KIAA0586: variants seen among roughly 807,000 people sequenced by gnomAD.
The protein encoded by KIAA0586 is protein TALPID3.
KIAA0586 carries 144 observed loss-of-function variants against 169.8 expected under a neutral mutation model. The observed-to-expected ratio is 0.85, with a 90% CI of 0.74 to 0.97. The LOEUF (loss-of-function observed/expected upper bound fraction) is 0.97, where lower values mean the gene tolerates loss of function less well. Ranked by LOEUF, KIAA0586 falls within the 50% of genes least tolerant of loss-of-function variation. The probability of loss-of-function intolerance (pLI) is 0.00; values close to 1 mark genes in which losing one functional copy is unlikely to be tolerated. For missense variants in KIAA0586, 1,854 were observed against 1,823.0 expected (o/e 1.02, Z -0.31); for synonymous variants, 625 against 612.4 (o/e 1.02, Z -0.30).
rs760261535 is a variant in KIAA0586, at chr14:58,547,992, G to C, written c.*60G>C. ...CTGGTTTTAAAGTCATTTTACCTTG[G>C]CTTAAAACCCTCTCTCAGACTGTTT... On this transcript the variant is annotated 3_prime_UTR_variant, in exon 31 of 31. Coordinates refer to ENST00000652326, the MANE Select transcript of KIAA0586 (RefSeq NM_001329943.3). 3 of 1,582,888 alleles carry C rather than the reference G, an allele frequency of 1.9e-6. No individual in the cohort carries two copies. The highest frequency in any genetic ancestry group is 1.7e-6 in the Non-Finnish European group (2 of 1,159,266).
intron 27 of KIAA0586, among the ~76,000 whole-genome samples, chr14:58,504,378 A>G (rs1012307573): frequency 1.3e-5 from 2 of 152,208 alleles, no homozygotes; most frequent in Non-Finnish European, 2.9e-5. Flanking sequence ...ATAGATGGTC[A>G]TCTCAGTCAC....
At chr14:58,486,363 C>T (rs928270145) in intron 21 of KIAA0586, among the ~76,000 whole-genome samples, 1 of 152,174 alleles carries the variant, frequency 6.6e-6, no homozygotes, top group Non-Finnish European at 1.5e-5. Context: ...TTGATGGGCA[C>T]CTAGGTTGAC....
At position 58,440,855 on chromosome 14, in the gene KIAA0586, A is replaced by G. The variant is rs191696529; in HGVS notation, c.411-1851A>G. 555 of 152,628 alleles carry G rather than the reference A, an allele frequency of 3.6e-3. 6 individuals are homozygous for G. Among genetic ancestry groups the G allele is most frequent in the African/African-American group, 0.012 (497 of 41,514 alleles). 9.5% of individuals were successfully genotyped at this position (152,628 alleles called of 1,614,324 possible). ...TGCCAGGGGCTGGGGGTGGGGAGAA[A>G]GTGGGGGATAGAGGTCAAAAGGTAT... On this transcript the variant is annotated intron_variant, in intron 4 of 30. Coordinates refer to ENST00000652326, the MANE Select transcript of KIAA0586 (RefSeq NM_001329943.3).
chr14:58,507,958 G>A (rs1462249416), intron 27 of KIAA0586, among the ~76,000 whole-genome samples: 1 of 151,946 alleles, frequency 6.6e-6, no homozygotes, highest in African/African-American at 2.4e-5. Flanking sequence ...GCTAATTTTT[G>A]TATTTTTAGT....
chr14:58,556,110 A>G (rs1350314665), downstream of KIAA0586, among the ~76,000 whole-genome samples: 1 of 152,192 alleles, frequency 6.6e-6, no homozygotes, highest in Non-Finnish European at 1.5e-5. Context: ...AAAAATATCC[A>G]CTTTGTTTCT....
chr14:58,465,510 C>T (rs560000439), intron 14 of KIAA0586, among the ~76,000 whole-genome samples: 8 of 152,292 alleles, frequency 5.3e-5, no homozygotes, highest in African/African-American at 1.9e-4. Context: ...CAACTGTGGC[C>T]TACACGTGAG....
Position 58,429,264 on chromosome 14 carries a change from G to A in KIAA0586, c.200-99G>A, listed in dbSNP as rs141809745. 7.4e-4 allele frequency: 498 copies of A among 670,538 alleles called. 2 individuals carry two copies. Among genetic ancestry groups the A allele is most frequent in the African/African-American group, 4.8e-3 (269 of 55,688 alleles). 41.5% of individuals were successfully genotyped at this position (670,538 alleles called of 1,614,324 possible). A position where few individuals can be genotyped will look rare whatever the true frequency, so the allele number is the denominator to read the frequency against. On this transcript the variant is annotated intron_variant, in intron 1 of 30. Transcript: ENST00000652326. ...TGCAAATTGTCTTTCCAACTTCTGC[G>A]TTATATGGAGTTTATAGATCTTGAA...
intron 29 of KIAA0586, among the ~76,000 whole-genome samples, chr14:58,533,945 T>C (rs2046135434): frequency 6.6e-6 from 1 of 152,224 alleles, no homozygotes; most frequent in Non-Finnish European, 1.5e-5. Flanking sequence ...TTTTTCATTC[T>C]TTCACTCTTT....
chr14:58,429,406 A>G lies in KIAA0586; in HGVS notation c.243A>G (p.Leu81=). 6.3e-7 allele frequency: 1 copy of G among 1,598,578 alleles called. No individual in the cohort carries two copies. Among genetic ancestry groups the G allele is most frequent in the Non-Finnish European group, 8.6e-7 (1 of 1,166,108 alleles). ...LTSARNCYQP[L]LENPMVSESD... ...CTGCTAGAAATTGTTACCAGCCTCT[A>G]TTAGAAAATCCCATGGTGTCAGAAA... The change falls in exon 2 of 31, where the codon CTA becomes CTG. Residue 81 remains leucine (L), a synonymous_variant. Coordinates refer to ENST00000652326, the MANE Select transcript of KIAA0586 (RefSeq NM_001329943.3).
At position 58,488,819 on chromosome 14, in the gene KIAA0586, ACCCAT is replaced by A. The variant is rs759834865; in HGVS notation, c.3728_3732del (p.Pro1243LeufsTer2). The A allele has an allele frequency of 6.8e-6, 11 of 1,613,730 alleles. No homozygotes were observed. The highest frequency in any genetic ancestry group is 8.5e-6 in the Non-Finnish European group (10 of 1,179,810). On this transcript the variant is annotated frameshift_variant, in exon 24 of 31. Coordinates refer to ENST00000652326, the MANE Select transcript of KIAA0586 (RefSeq NM_001329943.3). LOFTEE classifies it high-confidence loss of function. Reference sequence around the variant, plus strand: ...TCACTGAAACTGAAACTTTAGATAAACCCATCTCTGAAGGAGAGATTTTATTTAGC... The same window carrying A: ...TCACTGAAACTGAAACTTTAGATAAACTCTGAAGGAGAGATTTTATTTAGC...
chr14:58,491,973 A>G (rs911904032), intron 25 of KIAA0586, among the ~76,000 whole-genome samples, 171 bp from the exon 26 acceptor site: 10 of 152,216 alleles, frequency 6.6e-5, no homozygotes, highest in African/African-American at 2.4e-4. Context: ...GAGGGCTTTT[A>G]TTATAGACAA....
chr14:58,556,726 A>G, the KIAA0586 span, among the ~76,000 whole-genome samples: 5 of 152,118 alleles, frequency 3.3e-5, no homozygotes, highest in South Asian at 1.0e-3. Flanking sequence ...ATTCATATAT[A>G]TTTTTGTAGT....
rs377405313 is a variant in KIAA0586 at position 58,461,770 on chromosome 14, A to G, written c.2059+610A>G. 8.5e-5 allele frequency among the ~76,000 whole-genome samples: 13 copies of G among 152,320 alleles called. No homozygotes were observed. In the East Asian group the frequency reaches 2.5e-3, roughly 29 times the overall value. ...TTTGCTGTTTATTATAAAAGTGTTG[A>G]TGAGCACTTTTGCAGTTTGGTTTTC... On this transcript the variant is annotated intron_variant, in intron 14 of 30. Coordinates refer to ENST00000652326, the MANE Select transcript of KIAA0586 (RefSeq NM_001329943.3).
chr14:58,521,526 T>G, intron 29 of KIAA0586: 1 of 785,202 alleles, frequency 1.3e-6, no homozygotes, highest in Non-Finnish European at 2.3e-6. Context: ...CTCCTCCTAT[T>G]GCTCGGGCTG....
At chr14:58,497,198 C>T (rs1216066117) in intron 26 of KIAA0586, among the ~76,000 whole-genome samples, 3 of 151,918 alleles carry the variant, frequency 2.0e-5, no homozygotes, top group Non-Finnish European at 4.4e-5. Flanking sequence ...GTCTGGAACT[C>T]CTGACTTCAG....
rs2140368852 is a variant in KIAA0586 at position 58,427,917 on chromosome 14, C to A, written c.-348C>A. Reference sequence around the variant, plus strand: ...TATTTGCTTGACTGCCTCTTCTCAACAAATTTTAAGCCCGCCACTACATGT... The same window carrying A: ...TATTTGCTTGACTGCCTCTTCTCAAAAAATTTTAAGCCCGCCACTACATGT... On this transcript the variant is annotated 5_prime_UTR_variant, in exon 1 of 31. Transcript: ENST00000652326. 6 of 1,373,484 alleles carry A rather than the reference C, an allele frequency of 4.4e-6. No individual in the cohort carries two copies. Among genetic ancestry groups the A allele is most frequent in the Non-Finnish European group, 5.7e-6 (6 of 1,049,936 alleles). 85.1% of individuals were successfully genotyped at this position (1,373,484 alleles called of 1,614,324 possible). A position where few individuals can be genotyped will look rare whatever the true frequency, so the allele number is the denominator to read the frequency against.
intron 27 of KIAA0586, among the ~76,000 whole-genome samples, chr14:58,508,210 A>T (rs919711960): frequency 1.3e-5 from 2 of 152,246 alleles, no homozygotes; most frequent in African/African-American, 4.8e-5. Context: ...TACATTTTAG[A>T]TAGAAAGTAT....
chr14:58,441,420 C>T (rs371090263), intron 4 of KIAA0586: 3 of 297,960 alleles, frequency 1.0e-5, no homozygotes, highest in Admixed American at 3.3e-5. Flanking sequence ...AGGCTGGTCT[C>T]GAACTCCTGG....
At chr14:58,463,993 AC>A in intron 14 of KIAA0586, 1 of 455,188 alleles carries the variant, frequency 2.2e-6, no homozygotes, top group African/African-American at 2.0e-5. Context: ...TGGTGTAGAC[AC>A]CCCTGCAGCA....
Sources: gnomAD v4.1 joint callset for allele counts (sites outside exome capture counted in the v4.1 genomes callset) on GRCh38, gnomAD v4.1.1 for gene constraint, MANE v1.5 for transcripts, NCBI Gene and HGNC (gene_info 2026-07-23, HGNC 2026-07-21) for gene names.